NEGR1: variants seen among roughly 807,000 people sequenced by gnomAD.
The protein encoded by NEGR1 is neuronal growth regulator 1.
In NEGR1, 10 loss-of-function variants were observed where a neutral mutation model predicts 40.9. The ratio of observed to expected loss-of-function variants is 0.24; its 90% CI spans 0.15 to 0.42. The LOEUF is 0.42. Among genes scored for constraint, NEGR1 ranks in the 10% least tolerant of loss-of-function variants. The pLI, the probability that NEGR1 is intolerant of heterozygous loss-of-function variation, is 1.00. For missense variants in NEGR1, 352 were observed against 438.9 expected (o/e 0.80, Z 1.77); for synonymous variants, 185 against 166.8 (o/e 1.11, Z -0.84).
intron 6 of NEGR1, among the ~76,000 whole-genome samples, chr1:71,443,761 T>A (rs1178101275): frequency 6.6e-6 from 1 of 152,224 alleles, no homozygotes; most frequent in Non-Finnish European, 1.5e-5. Context: ...GTGAGAAACA[T>A]ACTTTAGTTT....
At chr1:72,166,957 G>A (rs1651788272) in intron 1 of NEGR1, among the ~76,000 whole-genome samples, 1 of 152,018 alleles carries the variant, frequency 6.6e-6, no homozygotes, top group South Asian at 2.1e-4. Context: ...CTTGATTGAA[G>A]TGACAGACTC....
chr1:71,909,426 T>C lies in NEGR1; in HGVS notation c.409+25653A>G, dbSNP rs1043075672. 3.3e-5 allele frequency among the ~76,000 whole-genome samples: 5 copies of C among 152,364 alleles called. No individual in the cohort carries two copies. In the East Asian group the frequency reaches 9.6e-4, roughly 29 times the overall value. On this transcript the variant is annotated intron_variant, in intron 2 of 6. Coordinates refer to ENST00000357731, the MANE Select transcript of NEGR1 (RefSeq NM_173808.3). ...CATAGCCTTTTAATGTTTCCGGTGTTCGTTGAATGTGATTGCTTTGTTATT... is the reference window on the plus strand; with the variant it reads ...CATAGCCTTTTAATGTTTCCGGTGTCCGTTGAATGTGATTGCTTTGTTATT...
At chr1:71,990,918 A>ATAT (rs888701714) in intron 1 of NEGR1, among the ~76,000 whole-genome samples, 6 of 104,256 alleles carry the variant, frequency 5.8e-5, no homozygotes, top group East Asian at 3.3e-4. Flanking sequence ...ATATATATAT[A>ATAT]TTTTTTTTTT....
chr1:72,166,835 T>G (rs1287549555), intron 1 of NEGR1, among the ~76,000 whole-genome samples: 2 of 152,146 alleles, frequency 1.3e-5, no homozygotes, highest in African/African-American at 4.8e-5. Flanking sequence ...AATATCATAG[T>G]GTATCCTATG....
chr1:71,994,306 A>G (rs1368561253), intron 1 of NEGR1, among the ~76,000 whole-genome samples: 1 of 152,078 alleles, frequency 6.6e-6, no homozygotes, highest in African/African-American at 2.4e-5. Flanking sequence ...AGGCGGGTGG[A>G]TCATGAGGTC....
chr1:71,479,356 C>T (rs1056699233), intron 6 of NEGR1, among the ~76,000 whole-genome samples: 34 of 151,934 alleles, frequency 2.2e-4, no homozygotes, highest in Admixed American at 6.6e-5. Flanking sequence ...TACAGCAATA[C>T]CCTGACAGGG....
chr1:71,806,877 C>T (rs893957102), intron 2 of NEGR1, among the ~76,000 whole-genome samples: 5 of 149,950 alleles, frequency 3.3e-5, no homozygotes, highest in African/African-American at 9.8e-5. Flanking sequence ...ACTGCGCAAA[C>T]ATGTCGATCT....
At chr1:71,761,686 A>G (rs906730815) in intron 3 of NEGR1, among the ~76,000 whole-genome samples, 1 of 152,168 alleles carries the variant, frequency 6.6e-6, no homozygotes, top group African/African-American at 2.4e-5. Context: ...ATCTTTTATT[A>G]AACTCAGTAT....
intron 1 of NEGR1, among the ~76,000 whole-genome samples, chr1:72,276,416 G>A (rs1656049286): frequency 6.6e-6 from 1 of 151,702 alleles, no homozygotes; most frequent in Non-Finnish European, 1.5e-5. Context: ...CTACAAGCAG[G>A]GTTTAATCAT....
chr1:71,548,980 T>C (rs1474694612), intron 6 of NEGR1, among the ~76,000 whole-genome samples: 1 of 151,688 alleles, frequency 6.6e-6, no homozygotes, highest in Non-Finnish European at 1.5e-5. Flanking sequence ...TAGAGGTTGA[T>C]AGTTTCCCTG....
At chr1:71,605,265 A>G (rs548473363) in intron 5 of NEGR1, among the ~76,000 whole-genome samples, 4 of 152,160 alleles carry the variant, frequency 2.6e-5, no homozygotes, top group Admixed American at 6.5e-5. Context: ...ATATGTATAC[A>G]TTGTGAAATG....
intron 6 of NEGR1, among the ~76,000 whole-genome samples, chr1:71,530,119 T>G (rs1557556659): frequency 6.6e-6 from 1 of 151,338 alleles, no homozygotes; most frequent in African/African-American, 2.4e-5. Flanking sequence ...TTAGGAAATA[T>G]GAGATCTGTG....
chr1:72,015,551 T>C (rs1204676705), intron 1 of NEGR1, among the ~76,000 whole-genome samples: 1 of 152,128 alleles, frequency 6.6e-6, no homozygotes, highest in Admixed American at 6.6e-5. Context: ...AGACCTATAA[T>C]CCCAGCACTT....
intron 1 of NEGR1, among the ~76,000 whole-genome samples, chr1:72,146,493 A>C (rs2630436): frequency 0.95 from 145,053 of 152,196 alleles, 69,282 homozygotes; most frequent in East Asian, 1. Flanking sequence ...CACAGATTGC[A>C]CACATGGGTG....
intron 2 of NEGR1, among the ~76,000 whole-genome samples, chr1:71,927,050 G>T (rs1029700895): frequency 6.6e-6 from 1 of 152,010 alleles, no homozygotes; most frequent in African/African-American, 2.4e-5. Context: ...ATTCAAACAA[G>T]AATTTTACTA....
intron 1 of NEGR1, among the ~76,000 whole-genome samples, chr1:72,064,161 A>G (rs777985031): frequency 6.6e-6 from 1 of 151,980 alleles, no homozygotes; most frequent in South Asian, 2.1e-4. Flanking sequence ...CAGAGAAGTG[A>G]TGGGTAATTA....
intron 6 of NEGR1, chr1:71,439,745 G>T (rs1313284598): frequency 6.6e-6 from 1 of 152,132 alleles, no homozygotes; most frequent in Non-Finnish European, 1.5e-5. Context: ...CTTTATTAAA[G>T]ATTCTGGATG....
intron 2 of NEGR1, among the ~76,000 whole-genome samples, chr1:71,784,126 CAGT>C (rs1335684804): frequency 6.6e-6 from 1 of 152,192 alleles, no homozygotes; most frequent in East Asian, 1.9e-4. Flanking sequence ...TGGTTTAAAA[CAGT>C]AGTTTCCCAC....
chr1:71,771,539 A>G (rs1656323904), intron 3 of NEGR1, among the ~76,000 whole-genome samples: 1 of 151,894 alleles, frequency 6.6e-6, no homozygotes. Flanking sequence ...TCTCTCTACT[A>G]AAAGTACAAA....
Sources: allele counts gnomAD v4.1 joint callset (sites outside exome capture counted in the v4.1 genomes callset), GRCh38; gene constraint gnomAD v4.1.1; transcripts MANE v1.5; gene names NCBI Gene and HGNC (gene_info 2026-07-23, HGNC 2026-07-21).